The following ZBTB20 variants were observed in gnomAD, a reference collection of about 807,000 sequenced individuals.
The protein encoded by ZBTB20 is zinc finger and BTB domain-containing protein 20.
ZBTB20 carries 9 observed loss-of-function variants against 56.9 expected under a neutral mutation model. The observed-to-expected ratio is 0.16, with a 90% CI of 0.10 to 0.28. The LOEUF (loss-of-function observed/expected upper bound fraction) is 0.28. Among genes scored for constraint, ZBTB20 ranks in the 10% least tolerant of loss-of-function variants. The pLI is 1.00. For missense variants in ZBTB20, 655 were observed against 1,003.0 expected (o/e 0.65, Z 4.69); for synonymous variants, 417 against 420.7 (o/e 0.99, Z 0.11).
chr3:115,020,282 AC>A (rs1256368506), intron 2 of ZBTB20, among the ~76,000 whole-genome samples: 2 of 151,178 alleles, frequency 1.3e-5, no homozygotes, highest in African/African-American at 4.8e-5. Context: ...TGGTTATGCT[AC>A]ACCTATAAAT....
chr3:114,449,959 C>T (rs1010531416), intron 7 of ZBTB20, among the ~76,000 whole-genome samples: 8 of 152,038 alleles, frequency 5.3e-5, no homozygotes, highest in Non-Finnish European at 1.0e-4. Context: ...TTACGCTGCT[C>T]GTATTAAGCT....
intron 7 of ZBTB20, among the ~76,000 whole-genome samples, chr3:114,464,630 A>T (rs1451894072): frequency 6.6e-6 from 1 of 152,258 alleles, no homozygotes; most frequent in Non-Finnish European, 1.5e-5. Flanking sequence ...ATAAATGAAT[A>T]AATAAAGCTC....
At chr3:114,674,916 C>T (rs531160175) in intron 6 of ZBTB20, among the ~76,000 whole-genome samples, 9 of 151,662 alleles carry the variant, frequency 5.9e-5, no homozygotes, top group Non-Finnish European at 1.3e-4. Flanking sequence ...TTTCTGCCTT[C>T]AAAGGGTCTC....
At chr3:114,494,180 T>C (rs1435255660) in intron 7 of ZBTB20, among the ~76,000 whole-genome samples, 3 of 152,216 alleles carry the variant, frequency 2.0e-5, no homozygotes, top group Non-Finnish European at 4.4e-5. Flanking sequence ...CTTATTGTTA[T>C]TATTAGTTGA....
chr3:114,784,706 A>T (rs981524658), intron 5 of ZBTB20, among the ~76,000 whole-genome samples: 6 of 152,340 alleles, frequency 3.9e-5, no homozygotes, highest in African/African-American at 1.4e-4. Context: ...GGATGAATAA[A>T]CCATACTACA....
chr3:114,588,901 G>T (rs2055456564), intron 6 of ZBTB20, among the ~76,000 whole-genome samples: 1 of 152,152 alleles, frequency 6.6e-6, no homozygotes, highest in South Asian at 2.1e-4. Context: ...TCGCATGGCT[G>T]GGGAAGCCTC....
chr3:114,937,345 G>A (rs867945053), intron 3 of ZBTB20, among the ~76,000 whole-genome samples: 13 of 151,840 alleles, frequency 8.6e-5, no homozygotes, highest in Middle Eastern at 3.4e-3. Flanking sequence ...CTGTGGTTTT[G>A]GTTTGCATTT....
intron 3 of ZBTB20, among the ~76,000 whole-genome samples, chr3:114,936,830 G>A (rs1283055388): frequency 6.6e-6 from 1 of 152,082 alleles, no homozygotes; most frequent in African/African-American, 2.4e-5. Context: ...TGCCAGTTTG[G>A]GTCCTCTTGT....
intron 7 of ZBTB20, among the ~76,000 whole-genome samples, chr3:114,478,316 G>A (rs1414763937): frequency 6.6e-6 from 1 of 152,122 alleles, no homozygotes; most frequent in Non-Finnish European, 1.5e-5. Flanking sequence ...TATGAATTTT[G>A]GACAAAGTTT....
At chr3:114,913,698 T>C (rs2075632951) in intron 3 of ZBTB20, among the ~76,000 whole-genome samples, 1 of 151,788 alleles carries the variant, frequency 6.6e-6, no homozygotes, top group African/African-American at 2.4e-5. Context: ...TTTTTTTCAG[T>C]AGTGTCATAG....
chr3:115,103,371 G>A lies in ZBTB20; in HGVS notation c.-702-31957C>T, dbSNP rs187495359. ...ATGATTCTAAAATTTATATGGAGAG[G>A]CAAAAGACTGAAAATAACCAACATA... On this transcript the variant is annotated intron_variant, in intron 1 of 11. Transcript: ENST00000675478. Among the ~76,000 whole-genome samples, 553 of 152,240 alleles carry A rather than the reference G, an allele frequency of 3.6e-3. 4 individuals are homozygous for A. Among genetic ancestry groups the A allele is most frequent in the South Asian group, 0.026 (127 of 4,828 alleles).
intron 3 of ZBTB20, among the ~76,000 whole-genome samples, chr3:114,933,982 C>T (rs1270570896): frequency 6.6e-6 from 1 of 152,110 alleles, no homozygotes; most frequent in Admixed American, 6.5e-5. Context: ...ATCATCCTTC[C>T]TTCCTTCCCT....
intron 5 of ZBTB20, among the ~76,000 whole-genome samples, chr3:114,795,110 C>T (rs2071252134): frequency 6.6e-6 from 1 of 151,994 alleles, no homozygotes; most frequent in African/African-American, 2.4e-5. Context: ...AGAAGGTTGT[C>T]AGAGATCTAC....
At chr3:114,748,860 T>C (rs75539483) in intron 5 of ZBTB20, among the ~76,000 whole-genome samples, 2 of 152,176 alleles carry the variant, frequency 1.3e-5, no homozygotes, top group Non-Finnish European at 2.9e-5. Context: ...GATAAACATA[T>C]AGATTGATGA....
intron 2 of ZBTB20, among the ~76,000 whole-genome samples, chr3:115,024,431 C>T (rs1473625000): frequency 6.6e-6 from 1 of 150,976 alleles, no homozygotes; most frequent in Admixed American, 6.6e-5. Context: ...TACTCAGAGA[C>T]CTCTACGTTA....
intron 3 of ZBTB20, among the ~76,000 whole-genome samples, chr3:114,902,585 C>T (rs1182584403): frequency 6.6e-6 from 1 of 152,110 alleles, no homozygotes; most frequent in African/African-American, 2.4e-5. Flanking sequence ...GTATTAGTAT[C>T]ACTTATTAAT....
At chr3:114,980,728 T>C (rs1238268356) in intron 2 of ZBTB20, among the ~76,000 whole-genome samples, 1 of 151,832 alleles carries the variant, frequency 6.6e-6, no homozygotes, top group African/African-American at 2.4e-5. Flanking sequence ...ATTTTGAAAC[T>C]TCAAGAAAAA....
At chr3:114,397,781 C>G (rs933885611) in intron 7 of ZBTB20, among the ~76,000 whole-genome samples, 1 of 152,146 alleles carries the variant, frequency 6.6e-6, no homozygotes, top group Non-Finnish European at 1.5e-5. Flanking sequence ...GAAGCCTAAT[C>G]TTTGTCCAGG....
At chr3:114,659,797 G>A (rs76373676) in intron 6 of ZBTB20, among the ~76,000 whole-genome samples, 6,829 of 152,214 alleles carry the variant, frequency 0.045, 192 homozygotes, top group Non-Finnish European at 0.067. Flanking sequence ...TTTATGAAGT[G>A]ACTTCACTAG....
Sources: gnomAD v4.1 joint callset for allele counts (sites outside exome capture counted in the v4.1 genomes callset) on GRCh38, gnomAD v4.1.1 for gene constraint, MANE v1.5 for transcripts, NCBI Gene and HGNC (gene_info 2026-07-23, HGNC 2026-07-21) for gene names.